Variants in ATP2C1 observed in about 807,000 individuals in gnomAD.
The protein encoded by ATP2C1 is ATPase secretory pathway Ca2+ transporting 1, also known as calcium-transporting ATPase type 2C member 1.
In ATP2C1, 31 loss-of-function variants were observed where a neutral mutation model predicts 120.5. The ratio of observed to expected loss-of-function variants is 0.26; its 90% CI spans 0.19 to 0.35. ATP2C1 has a LOEUF of 0.35. ATP2C1 is among the 10% of genes least tolerant of loss of function. The pLI is 1.00. For synonymous variants in ATP2C1, 351 were observed against 358.7 expected, an observed-to-expected ratio of 0.98 and a Z score of 0.24; for missense variants, 731 against 1,107.5, an observed-to-expected ratio of 0.66 and a Z score of 4.83.
chr3:130,924,147 GT>G (rs34642144), intron 2 of ATP2C1, among the ~76,000 whole-genome samples: 68,101 of 145,800 alleles, frequency 0.47, 17,866 homozygotes, highest in Middle Eastern at 0.62. Context: ...TTTTGTTTTT[GT>G]TTTTTTTTTT....
Position 130,969,423 on chromosome 3 carries a change from T to C in ATP2C1, c.1413+27T>C, listed in dbSNP as rs754277525. ...TATCCATCTGTTTAAAGAATACTTATTTCCTGTTTAGCTTAGATGACTATT... is the reference window on the plus strand; with the variant it reads ...TATCCATCTGTTTAAAGAATACTTACTTCCTGTTTAGCTTAGATGACTATT... On this transcript the variant is annotated intron_variant, in intron 17 of 27. Transcript: ENST00000510168. 7 of 1,564,160 alleles carry C rather than the reference T, an allele frequency of 4.5e-6. No individual in the cohort carries two copies. In the East Asian group the frequency reaches 6.7e-5, roughly 15 times the overall value.
chr3:130,867,481 G>A (rs1438081994), intron 1 of ATP2C1, among the ~76,000 whole-genome samples: 3 of 149,704 alleles, frequency 2.0e-5, no homozygotes, highest in East Asian at 2.0e-4. Context: ...TGGTGGAGAC[G>A]GGGTTTCGCT....
At chr3:130,879,880 G>A (rs748100127) in intron 1 of ATP2C1, among the ~76,000 whole-genome samples, 1 of 152,182 alleles carries the variant, frequency 6.6e-6, no homozygotes, top group Admixed American at 6.5e-5. Context: ...GTGCTGGATG[G>A]GGATGCCAGG....
In ATP2C1 at chr3:131,016,043, G is replaced by T. The variant is rs200417338; in HGVS notation, c.2630-109G>T. The stretch of plus-strand genomic sequence containing the variant: ...TTAAGATTAGTTTTTTTTTGTTTTG[G>T]TTTTTTTTTTTAAGTAACTTTGTTG... On this transcript the variant is annotated intron_variant, in intron 26 of 26. Transcript: ENST00000328560. 74 of 1,271,082 alleles carry T rather than the reference G, an allele frequency of 5.8e-5. 1 individual carries two copies. The highest frequency in any genetic ancestry group is 1.9e-4 in the Middle Eastern group (1 of 5,164). 78.7% of individuals were successfully genotyped at this position (1,271,082 alleles called of 1,614,324 possible). A position where few individuals can be genotyped will look rare whatever the true frequency, so the allele number is the denominator to read the frequency against.
chr3:130,939,386 A>G (rs1460620604), intron 6 of ATP2C1, among the ~76,000 whole-genome samples: 1 of 152,180 alleles, frequency 6.6e-6, no homozygotes, highest in Non-Finnish European at 1.5e-5. Context: ...CTTCCCAGCC[A>G]TAAAAATAGC....
chr3:130,884,927 TTTC>T (rs1315861495), intron 1 of ATP2C1, among the ~76,000 whole-genome samples: 2 of 140,638 alleles, frequency 1.4e-5, no homozygotes, highest in Non-Finnish European at 3.1e-5. Context: ...CTTTCTTTTC[TTTC>T]TTTTTTTTTT....
intron 2 of ATP2C1, among the ~76,000 whole-genome samples, chr3:130,913,226 C>A (rs2058524132): frequency 6.7e-6 from 1 of 149,822 alleles, no homozygotes; most frequent in Non-Finnish European, 1.5e-5. Flanking sequence ...TGCACATGTA[C>A]CCTAAAACTT....
In ATP2C1 at chr3:130,975,368, G is replaced by A. The variant is rs768289092; in HGVS notation, c.1450G>A (p.Glu484Lys). The A allele has an allele frequency of 5.0e-6, 8 of 1,613,738 alleles. No homozygotes were observed. The highest frequency in any genetic ancestry group is 2.2e-5 in the East Asian group (1 of 44,866). Residue 484 changes from glutamate (E) to lysine (K), a missense_variant, in exon 18 of 28, where the codon GAA becomes AAA. By Grantham distance (56) the Glu-to-Lys change is moderately conservative. Around this residue, in one of 3 missense-constraint regions of ATP2C1, gnomAD observed 571 missense variants for 845.9 expected, o/e 0.67. Transcript: ENST00000510168. The part of the protein sequence containing the change: ...PEICFMKGAY[E>K]QVIKYCTTYQ... ...GATTTGTTTTATGAAAGGTGCTTAC[G>A]AACAAGTAATTAAGTACTGTACTAC...
chr3:130,892,519 G>T (rs2069213292), upstream of ATP2C1, among the ~76,000 whole-genome samples: 1 of 151,862 alleles, frequency 6.6e-6, no homozygotes, highest in Non-Finnish European at 1.5e-5. Context: ...TGACCTCGCT[G>T]AATAAAAGTT....
chr3:130,964,313 A>G (rs1378438338), intron 13 of ATP2C1, among the ~76,000 whole-genome samples: 1 of 152,088 alleles, frequency 6.6e-6, no homozygotes, highest in Non-Finnish European at 1.5e-5. Context: ...ATCATGTTCT[A>G]ATGCACAAAT....
intron 2 of ATP2C1, among the ~76,000 whole-genome samples, chr3:130,907,448 A>G (rs865843561): frequency 3.3e-5 from 5 of 152,070 alleles, no homozygotes; most frequent in African/African-American, 1.2e-4. Flanking sequence ...ATTTTTGCAT[A>G]TGATGTGACA....
intron 24 of ATP2C1, among the ~76,000 whole-genome samples, chr3:130,997,184 A>G (rs2062665558): frequency 6.6e-6 from 1 of 152,172 alleles, no homozygotes; most frequent in Non-Finnish European, 1.5e-5. Flanking sequence ...CCTGAGTGTC[A>G]TAACTTTTTT....
At chr3:131,011,613 C>T (rs561235624) in intron 26 of ATP2C1, among the ~76,000 whole-genome samples, 31 of 152,260 alleles carry the variant, frequency 2.0e-4, no homozygotes, top group African/African-American at 6.7e-4. Context: ...TCTTTAAAGC[C>T]AGGTCAAAAG....
At chr3:130,931,232 A>T (rs1038598874) in intron 3 of ATP2C1, among the ~76,000 whole-genome samples, 2 of 152,048 alleles carry the variant, frequency 1.3e-5, no homozygotes, top group African/African-American at 4.8e-5. Context: ...CTCTATTATA[A>T]TAACCTTTTG....
chr3:130,893,526 C>T (rs1294375972), upstream of ATP2C1, among the ~76,000 whole-genome samples: 1 of 152,214 alleles, frequency 6.6e-6, no homozygotes, highest in Non-Finnish European at 1.5e-5. Flanking sequence ...GGAGGCTGCT[C>T]ACGGTGCTCC....
At chr3:130,974,087 T>A (rs914385383) in intron 17 of ATP2C1, among the ~76,000 whole-genome samples, 1 of 152,178 alleles carries the variant, frequency 6.6e-6, no homozygotes, top group Non-Finnish European at 1.5e-5. Flanking sequence ...AGGTAATAGC[T>A]TATCTGCTTC....
intron 20 of ATP2C1, 111 bp from the exon 21 acceptor site, chr3:130,992,840 A>G (rs2062418635): frequency 2.3e-6 from 2 of 862,104 alleles, no homozygotes; most frequent in Non-Finnish European, 3.9e-6. Flanking sequence ...CTCAGTGGCA[A>G]ATTAAATACA....
At chr3:130,954,219 A>G (rs1006152028) in intron 9 of ATP2C1, among the ~76,000 whole-genome samples, 4 of 152,124 alleles carry the variant, frequency 2.6e-5, no homozygotes, top group Non-Finnish European at 4.4e-5. Context: ...TTAAAGAGAG[A>G]AACAGTGTTT....
At chr3:130,877,856 C>T (rs944170231) in intron 1 of ATP2C1, among the ~76,000 whole-genome samples, 79 of 152,064 alleles carry the variant, frequency 5.2e-4, no homozygotes, top group African/African-American at 1.8e-3. Flanking sequence ...TATTGCGGCA[C>T]TATTCACAAT....
Sources: gnomAD v4.1 joint callset for allele counts (sites outside exome capture counted in the v4.1 genomes callset) on GRCh38, gnomAD v4.1.1 for gene constraint, gnomAD v4.1.1 regional missense constraint, MANE v1.5 for transcripts, NCBI Gene and HGNC (gene_info 2026-07-23, HGNC 2026-07-21) for gene names.